MACROD2: variants seen among roughly 807,000 people sequenced by gnomAD.
MACROD2 encodes ADP-ribose glycohydrolase MACROD2.
In MACROD2, 36 loss-of-function variants were observed where a neutral mutation model predicts 70.4. The observed-to-expected ratio is 0.51, with a 90% CI of 0.39 to 0.68. The LOEUF (loss-of-function observed/expected upper bound fraction) is 0.68. MACROD2 is among the 30% of genes least tolerant of loss of function. The pLI is 0.00. For missense variants in MACROD2, 496 were observed against 538.4 expected (o/e 0.92, Z 0.78); for synonymous variants, 172 against 178.8 (o/e 0.96, Z 0.30).
At chr20:14,299,262 G>A (rs934503255) in intron 3 of MACROD2, among the ~76,000 whole-genome samples, 2 of 152,136 alleles carry the variant, frequency 1.3e-5, no homozygotes, top group African/African-American at 4.8e-5. Context: ...ATGAGTTGCC[G>A]AAGTCTCAGA....
intron 13 of MACROD2, among the ~76,000 whole-genome samples, chr20:15,969,510 A>G (rs192703788): frequency 1.4e-3 from 214 of 152,290 alleles, no homozygotes; most frequent in African/African-American, 4.7e-3. Context: ...TTTACAATGA[A>G]AGAGTCTAGA....
At chr20:14,597,904 G>A (rs748185693) in intron 4 of MACROD2, among the ~76,000 whole-genome samples, 5 of 152,030 alleles carry the variant, frequency 3.3e-5, no homozygotes, top group Non-Finnish European at 5.9e-5. Context: ...GCTGTTGATT[G>A]AACTTCTCAT....
intron 5 of MACROD2, among the ~76,000 whole-genome samples, chr20:14,920,969 C>A (rs2074155646): frequency 6.6e-6 from 1 of 151,818 alleles, no homozygotes; most frequent in Non-Finnish European, 1.5e-5. Context: ...GAATTAAGGG[C>A]AAAAAAACCT....
intron 6 of MACROD2, among the ~76,000 whole-genome samples, chr20:15,290,448 T>C (rs2077531663): frequency 6.6e-6 from 1 of 152,116 alleles, no homozygotes; most frequent in Non-Finnish European, 1.5e-5. Flanking sequence ...TGGGCGACAG[T>C]GGTTTTGTTT....
intron 5 of MACROD2, among the ~76,000 whole-genome samples, chr20:14,812,698 G>C (rs558990195): frequency 6.6e-6 from 1 of 151,788 alleles, no homozygotes; most frequent in Non-Finnish European, 1.5e-5. Flanking sequence ...TTTTTTCTCC[G>C]CTCAAACATC....
At chr20:15,189,666 G>A (rs2076557319) in intron 5 of MACROD2, among the ~76,000 whole-genome samples, 2 of 152,130 alleles carry the variant, frequency 1.3e-5, no homozygotes, top group Admixed American at 6.5e-5. Context: ...GTAGGTGAAG[G>A]AAAATATATA....
At chr20:15,108,011 TA>T (rs922178202) in intron 5 of MACROD2, among the ~76,000 whole-genome samples, 1 of 151,686 alleles carries the variant, frequency 6.6e-6, no homozygotes, top group African/African-American at 2.4e-5. Flanking sequence ...ATTTTTTTAT[TA>T]TTTTTTTAAA....
At chr20:14,757,080 T>G (rs756489054) in intron 5 of MACROD2, among the ~76,000 whole-genome samples, 34 of 152,270 alleles carry the variant, frequency 2.2e-4, no homozygotes, top group Non-Finnish European at 4.4e-4. Context: ...CATAGCCGCA[T>G]GAGAATGGAC....
intron 7 of MACROD2, among the ~76,000 whole-genome samples, chr20:15,461,116 T>A (rs2046813440): frequency 6.6e-6 from 1 of 150,996 alleles, no homozygotes; most frequent in African/African-American, 2.4e-5. Flanking sequence ...CAAGTGAGTC[T>A]CCTGCCTCAG....
At chr20:15,155,806 T>G (rs2076302819) in intron 5 of MACROD2, among the ~76,000 whole-genome samples, 1 of 152,074 alleles carries the variant, frequency 6.6e-6, no homozygotes, top group Non-Finnish European at 1.5e-5. Context: ...CTTAGAACTA[T>G]AATCTCTGTA....
At chr20:14,248,877 G>T (rs1030129023) in intron 3 of MACROD2, among the ~76,000 whole-genome samples, 20 of 151,398 alleles carry the variant, frequency 1.3e-4, no homozygotes, top group Non-Finnish European at 2.5e-4. Context: ...AACTTTTTTC[G>T]ATATGAGATT....
chr20:15,604,957 G>T (rs2048872468), intron 8 of MACROD2, among the ~76,000 whole-genome samples: 2 of 152,052 alleles, frequency 1.3e-5, no homozygotes, highest in African/African-American at 4.8e-5. Context: ...ACCCAAATCT[G>T]GCCTTTTGGA....
intron 5 of MACROD2, among the ~76,000 whole-genome samples, chr20:14,845,840 T>G (rs2073134262): frequency 6.6e-6 from 1 of 152,076 alleles, no homozygotes; most frequent in African/African-American, 2.4e-5. Flanking sequence ...GGCTGACTTG[T>G]GGGCCATTAA....
At chr20:14,975,796 T>A (rs1438873672) in intron 5 of MACROD2, among the ~76,000 whole-genome samples, 1 of 152,128 alleles carries the variant, frequency 6.6e-6, no homozygotes, top group Non-Finnish European at 1.5e-5. Flanking sequence ...GGCCAAGTTG[T>A]ATTTGAACCT....
chr20:14,345,003 A>G lies in MACROD2; in HGVS notation c.272-148476A>G, dbSNP rs146035568. ...AAATCAGAAATAAGCTTATCAGATCATATCTTATTAACAAAGAACAAAGGA... is the reference window on the plus strand; with the variant it reads ...AAATCAGAAATAAGCTTATCAGATCGTATCTTATTAACAAAGAACAAAGGA... On this transcript the variant is annotated intron_variant, in intron 3 of 17. Transcript: ENST00000684519. Among the ~76,000 whole-genome samples, 198 of 152,324 alleles carry G rather than the reference A, an allele frequency of 1.3e-3. 1 individual carries two copies. The highest frequency in any genetic ancestry group is 4.1e-3 in the African/African-American group (171 of 41,586).
intron 3 of MACROD2, among the ~76,000 whole-genome samples, chr20:14,141,645 G>A (rs1470584103): frequency 2.0e-5 from 3 of 151,172 alleles, no homozygotes; most frequent in Middle Eastern, 6.9e-3. Context: ...CTCGGGAGGC[G>A]GAGGCAGGAG....
chr20:15,093,361 GT>G, intron 5 of MACROD2, among the ~76,000 whole-genome samples: 1 of 152,024 alleles, frequency 6.6e-6, no homozygotes, highest in Non-Finnish European at 1.5e-5. Flanking sequence ...GTGGGCCGGG[GT>G]CCTTTTCCAT....
intron 5 of MACROD2, among the ~76,000 whole-genome samples, chr20:14,768,638 A>G (rs1326088498): frequency 1.3e-5 from 2 of 151,518 alleles, no homozygotes; most frequent in Non-Finnish European, 2.9e-5. Context: ...TTTTTTTGAG[A>G]TGGAGTCTCG....
chr20:14,823,192 C>T (rs1323818646), intron 5 of MACROD2, among the ~76,000 whole-genome samples: 1 of 152,062 alleles, frequency 6.6e-6, no homozygotes, highest in Non-Finnish European at 1.5e-5. Context: ...ATTTAATTTT[C>T]AGCAGCAAAC....
Sources: gnomAD v4.1 joint callset for allele counts (sites outside exome capture counted in the v4.1 genomes callset) on GRCh38, gnomAD v4.1.1 for gene constraint, MANE v1.5 for transcripts, NCBI Gene and HGNC (gene_info 2026-07-23, HGNC 2026-07-21) for gene names.